The following PGM5 variants were observed in gnomAD, a reference collection of about 807,000 sequenced individuals.
The protein encoded by PGM5 is phosphoglucomutase-like protein 5.
A neutral mutation model predicts 59.2 loss-of-function variants in PGM5; 23 were observed. That is an observed-to-expected ratio of 0.39 (90% CI 0.28 to 0.55). The LOEUF (loss-of-function observed/expected upper bound fraction) is 0.55. Ranked by LOEUF, PGM5 falls within the 20% of genes least tolerant of loss-of-function variation. The pLI is 0.66. For missense variants in PGM5, 574 were observed against 748.3 expected, an observed-to-expected ratio of 0.77 and a Z score of 2.72; for synonymous variants, 214 against 286.0, an observed-to-expected ratio of 0.75 and a Z score of 2.54.
At chr9:68,400,236 GT>G (rs1248981345) in intron 6 of PGM5, among the ~76,000 whole-genome samples, 1 of 151,982 alleles carries the variant, frequency 6.6e-6, no homozygotes, top group Non-Finnish European at 1.5e-5. Flanking sequence ...AGGAGATTCC[GT>G]CTCCTGATTA....
At chr9:68,447,760 C>T (rs1823636459) in intron 6 of PGM5, among the ~76,000 whole-genome samples, 1 of 152,064 alleles carries the variant, frequency 6.6e-6, no homozygotes, top group South Asian at 2.1e-4. Context: ...CATAGAGGTC[C>T]CTAAGAACAT....
intron 6 of PGM5, among the ~76,000 whole-genome samples, chr9:68,410,370 G>C (rs758111652): frequency 1.8e-4 from 27 of 152,100 alleles, no homozygotes; most frequent in Non-Finnish European, 2.5e-4. Flanking sequence ...GTTATAGAGG[G>C]ACAACTAGCT....
At chr9:68,520,081 C>A (rs1824877742) in intron 10 of PGM5, among the ~76,000 whole-genome samples, 3 of 83,968 alleles carry the variant, frequency 3.6e-5, no homozygotes, top group Non-Finnish European at 6.1e-5. Context: ...CAGAGTGAGA[C>A]CCTGTCTCAA....
chr9:68,438,606 A>G (rs1313411061), intron 6 of PGM5, among the ~76,000 whole-genome samples: 8 of 152,246 alleles, frequency 5.3e-5, no homozygotes, highest in Non-Finnish European at 8.8e-5. Flanking sequence ...AAGATGTACG[A>G]AACAAGCTAT....
At chr9:68,403,266 C>G (rs1454130295) in intron 6 of PGM5, among the ~76,000 whole-genome samples, 1 of 152,172 alleles carries the variant, frequency 6.6e-6, no homozygotes, top group Non-Finnish European at 1.5e-5. Context: ...TGATCTGTCA[C>G]TGTCTCCCAT....
chr9:68,375,481 G>A (rs1256171601), intron 1 of PGM5, among the ~76,000 whole-genome samples: 1 of 152,122 alleles, frequency 6.6e-6, no homozygotes, highest in African/African-American at 2.4e-5. Flanking sequence ...CACTCGACTC[G>A]AAGAGTCTCC....
At chr9:68,510,076 G>T (rs1228506559) in intron 10 of PGM5, among the ~76,000 whole-genome samples, 1 of 150,574 alleles carries the variant, frequency 6.6e-6, no homozygotes, top group Non-Finnish European at 1.5e-5. Context: ...ACCCCAACAA[G>T]ATTTTGTTTT....
intron 6 of PGM5, chr9:68,429,422 G>A (rs1462638489): frequency 6.6e-6 from 1 of 152,024 alleles, no homozygotes; most frequent in African/African-American, 2.4e-5. Flanking sequence ...TCTAAAGCAG[G>A]AGAATGGCAA....
rs946188387 is a variant in PGM5, at chr9:68,527,632, G to T, written c.1615-1935G>T. Reference sequence around the variant, plus strand: ...ACCAACAGGGTTATTAAGAGGAAAAGAATCCCTTCTGTTTTTACGAATCAA... The same window carrying T: ...ACCAACAGGGTTATTAAGAGGAAAATAATCCCTTCTGTTTTTACGAATCAA... On this transcript the variant is annotated intron_variant, in intron 10 of 10. Transcript: ENST00000396396. Among the ~76,000 whole-genome samples, 21 of 152,164 alleles carry T rather than the reference G, an allele frequency of 1.4e-4. No homozygotes were observed. The East Asian group carries it at 1.7e-3, about 13-fold the overall frequency.
intron 1 of PGM5, among the ~76,000 whole-genome samples, chr9:68,362,903 CT>C (rs1834608537): frequency 8.6e-6 from 1 of 116,332 alleles, no homozygotes; most frequent in Admixed American, 1.2e-4. Context: ...GAGTCTTGCT[CT>C]GTCACCCAGG....
At chr9:68,495,377 A>C (rs1180260283) in intron 9 of PGM5, among the ~76,000 whole-genome samples, 3 of 152,234 alleles carry the variant, frequency 2.0e-5, no homozygotes, top group Non-Finnish European at 4.4e-5. Flanking sequence ...CAAATTTGGC[A>C]TTAAGTATCC....
chr9:68,427,187 T>C (rs1343630033), intron 6 of PGM5, among the ~76,000 whole-genome samples: 1 of 152,192 alleles, frequency 6.6e-6, no homozygotes, highest in Admixed American at 6.5e-5. Flanking sequence ...AATCTGAGAA[T>C]TCCTTGAGAA....
chr9:68,490,380 C>G (rs1185344844), intron 9 of PGM5, among the ~76,000 whole-genome samples: 1 of 152,220 alleles, frequency 6.6e-6, no homozygotes, highest in Non-Finnish European at 1.5e-5. Flanking sequence ...CGGAGTCTCG[C>G]TCTGTCACCA....
intron 6 of PGM5, among the ~76,000 whole-genome samples, chr9:68,431,057 G>A (rs1554682989): frequency 1.3e-5 from 2 of 152,070 alleles, no homozygotes; most frequent in African/African-American, 2.4e-5. Flanking sequence ...CAAGTTTCAG[G>A]GCAGTGTAAC....
chr9:68,484,541 AACACAC>A (rs72293391), intron 9 of PGM5, among the ~76,000 whole-genome samples: 2,881 of 132,274 alleles, frequency 0.022, 28 homozygotes, highest in Non-Finnish European at 0.028. Context: ...CCATGTCTCA[AACACAC>A]ACACACACAC....
chr9:68,445,007 T>A (rs537433952), intron 6 of PGM5, among the ~76,000 whole-genome samples: 8 of 152,220 alleles, frequency 5.3e-5, no homozygotes, highest in Non-Finnish European at 1.2e-4. Context: ...ATCTAAAGAC[T>A]GAAGAGGCTG....
chr9:68,377,495 A>G (rs142852327), intron 1 of PGM5, among the ~76,000 whole-genome samples: 9,898 of 152,258 alleles, frequency 0.065, 404 homozygotes, highest in African/African-American at 0.12. Context: ...ATCCAATTTT[A>G]AAACAAGGTG....
intron 1 of PGM5, among the ~76,000 whole-genome samples, chr9:68,364,076 A>G (rs1834634011): frequency 1.3e-5 from 2 of 152,232 alleles, no homozygotes; most frequent in African/African-American, 2.4e-5. Flanking sequence ...GTATTTGTTG[A>G]CTAGTCATGC....
intron 6 of PGM5, among the ~76,000 whole-genome samples, chr9:68,409,092 G>C (rs1233086737): frequency 4.6e-5 from 7 of 152,180 alleles, no homozygotes; most frequent in Admixed American, 1.3e-4. Flanking sequence ...CTTTAAAGTA[G>C]ACATTTATGC....
Sources: allele counts gnomAD v4.1 joint callset (sites outside exome capture counted in the v4.1 genomes callset), GRCh38; gene constraint gnomAD v4.1.1; transcripts MANE v1.5; gene names NCBI Gene and HGNC (gene_info 2026-07-23, HGNC 2026-07-21).